Variants in ZNF280D observed in about 807,000 individuals in gnomAD.
ZNF280D encodes suppressor of hairy wing homolog 4.
Under a neutral mutation model 94.7 loss-of-function variants are expected in ZNF280D, and 39 were observed. The observed-to-expected ratio is 0.41, with a 90% CI of 0.32 to 0.54. The LOEUF (loss-of-function observed/expected upper bound fraction) is 0.54, where lower values mean the gene tolerates loss of function less well. Among genes scored for constraint, ZNF280D ranks in the 20% least tolerant of loss-of-function variants. The pLI is 0.22. For missense variants in ZNF280D, 1,090 were observed against 1,149.3 expected (o/e 0.95, Z 0.75); for synonymous variants, 398 against 377.6 (o/e 1.05, Z -0.63).
At chr15:56,682,102 G>C (rs2055657326) in intron 10 of ZNF280D, 152 bp downstream of exon 10, 1 of 542,346 alleles carries the variant, frequency 1.8e-6, no homozygotes, top group African/African-American at 2.0e-5. Flanking sequence ...AGAAAGGACA[G>C]AGCTTTTCAA....
At chr15:56,728,058 G>C (rs1281214223) in intron 1 of ZNF280D, among the ~76,000 whole-genome samples, 1 of 151,394 alleles carries the variant, frequency 6.6e-6, no homozygotes, top group African/African-American at 2.4e-5. Context: ...AAGAGACAGG[G>C]TCTCACTCTG....
At chr15:56,682,559 ACACCTAAGGC>A (rs1417469257) in intron 9 of ZNF280D, 82 bp from the exon 10 acceptor site, 1 of 885,544 alleles carries the variant, frequency 1.1e-6, no homozygotes, top group Admixed American at 3.4e-5. Context: ...TTGTGTGTTT[ACACCTAAGGC>A]CAGACCATTA....
At chr15:56,666,117 C>T (rs970653278) in intron 16 of ZNF280D, among the ~76,000 whole-genome samples, 53 of 152,196 alleles carry the variant, frequency 3.5e-4, no homozygotes, top group African/African-American at 1.2e-3. Flanking sequence ...GGCAACAGAG[C>T]GAGACTCCAT....
At chr15:56,635,902 C>A (rs1185437294) in intron 20 of ZNF280D, 1 of 152,124 alleles carries the variant, frequency 6.6e-6, no homozygotes, top group Non-Finnish European at 1.5e-5. Flanking sequence ...TGCACTATCT[C>A]ATTTAATCTA....
At chr15:56,729,817 C>T (rs1434833590) in intron 1 of ZNF280D, 3 of 152,036 alleles carry the variant, frequency 2.0e-5, no homozygotes, top group African/African-American at 7.2e-5. Flanking sequence ...GTTCTTTGTA[C>T]AGATACAGAA....
At chr15:56,696,498 TCTGA>T (rs1254769076) in intron 6 of ZNF280D, among the ~76,000 whole-genome samples, 2 of 152,136 alleles carry the variant, frequency 1.3e-5, no homozygotes, top group Non-Finnish European at 2.9e-5. Flanking sequence ...AGAATCCAGG[TCTGA>T]CTGATTACAA....
intron 19 of ZNF280D, chr15:56,643,236 C>T: frequency 3.6e-6 from 1 of 276,538 alleles, no homozygotes; most frequent in East Asian, 6.1e-5. Context: ...TCCTTGTTCT[C>T]TAAAAACAAG....
At chr15:56,670,672 A>G (rs1281418216) in intron 13 of ZNF280D, among the ~76,000 whole-genome samples, 1 of 152,066 alleles carries the variant, frequency 6.6e-6, no homozygotes, top group Non-Finnish European at 1.5e-5. Context: ...ATGTCTTAAC[A>G]GAACGATTTA....
chr15:56,677,392 A>G (rs2055303408), intron 12 of ZNF280D, among the ~76,000 whole-genome samples, 182 bp downstream of exon 12: 1 of 152,194 alleles, frequency 6.6e-6, no homozygotes, highest in African/African-American at 2.4e-5. Context: ...TTTGTCCAGT[A>G]CAGAGATAAG....
intron 16 of ZNF280D, among the ~76,000 whole-genome samples, chr15:56,662,160 T>A (rs370878905): frequency 6.6e-6 from 1 of 152,182 alleles, no homozygotes; most frequent in Non-Finnish European, 1.5e-5. Flanking sequence ...TTCTTATACA[T>A]CATTTTGAGG....
intron 9 of ZNF280D, among the ~76,000 whole-genome samples, chr15:56,685,856 A>C (rs1249288838): frequency 6.6e-6 from 1 of 152,206 alleles, no homozygotes. Flanking sequence ...AGACCAAATA[A>C]ATCTATCATA....
chr15:56,632,936 T>C (rs1324018698), intron 21 of ZNF280D, among the ~76,000 whole-genome samples: 8 of 152,106 alleles, frequency 5.3e-5, no homozygotes, highest in African/African-American at 1.7e-4. Context: ...ATATATAACA[T>C]ACATACACAT....
At chr15:56,643,186 T>C (rs1410428162) in intron 19 of ZNF280D, 189 bp from the exon 20 acceptor site, 2 of 366,872 alleles carry the variant, frequency 5.5e-6, no homozygotes, top group Non-Finnish European at 9.9e-6. Context: ...GACTAAATAG[T>C]AGATTCGATA....
intron 13 of ZNF280D, among the ~76,000 whole-genome samples, chr15:56,673,734 C>A (rs1163310876): frequency 2.0e-5 from 3 of 152,022 alleles, no homozygotes; most frequent in African/African-American, 7.2e-5. Flanking sequence ...TTACTCTGCT[C>A]CAGCCACACT....
intron 1 of ZNF280D, among the ~76,000 whole-genome samples, chr15:56,719,357 C>A (rs917392352): frequency 3.7e-4 from 55 of 149,002 alleles, no homozygotes; most frequent in Non-Finnish European, 6.4e-4. Flanking sequence ...AACAAAAAAC[C>A]AAAAAAAAAG....
chr15:56,654,648 A>C lies in ZNF280D; in HGVS notation c.2058-145T>G, dbSNP rs916924807. ...TGTTATATAAATTTGACATAAACTG[A>C]CATTATTCTCTGGTAAATGACATAG... On this transcript the variant is annotated intron_variant, in intron 17 of 21. Transcript: ENST00000267807. 4 of 698,070 alleles carry C rather than the reference A, an allele frequency of 5.7e-6. No homozygotes were observed. The Admixed American group carries it at 7.5e-5, about 13-fold the overall frequency. The allele number at this position is 698,070 out of a possible 1,614,324, so 43.2% of individuals were successfully genotyped here.
intron 16 of ZNF280D, among the ~76,000 whole-genome samples, chr15:56,665,372 T>G (rs1393179000): frequency 6.6e-6 from 1 of 152,210 alleles, no homozygotes; most frequent in Non-Finnish European, 1.5e-5. Context: ...AAACCCATTC[T>G]GAAGGAATAA....
At chr15:56,647,326 C>T (rs994734824) in intron 19 of ZNF280D, among the ~76,000 whole-genome samples, 41 of 152,102 alleles carry the variant, frequency 2.7e-4, no homozygotes, top group African/African-American at 9.7e-4. Flanking sequence ...AAATATGACC[C>T]CCTCAAATGC....
At position 56,666,525 on chromosome 15, in the gene ZNF280D, C is replaced by G; in HGVS notation, c.1864G>C (p.Gly622Arg). 6.3e-7 allele frequency: 1 copy of G among 1,588,050 alleles called. No individual in the cohort carries two copies. Among genetic ancestry groups the G allele is most frequent in the Non-Finnish European group, 8.5e-7 (1 of 1,173,204 alleles). ...TALRNLRYRR[G>R]IHKCIECCSE... ...CAACACTCAATGCATTTGTGAATGCCCCGACGATACCTTAGGGAGACATTA... is the reference window on the plus strand; with the variant it reads ...CAACACTCAATGCATTTGTGAATGCGCCGACGATACCTTAGGGAGACATTA... The change falls in exon 16 of 22, where the codon GGC (glycine) becomes CGC (arginine). Residue 622 changes from glycine (G) to arginine (R), a missense_variant. By Grantham distance (125) the Gly-to-Arg change is moderately radical (BLOSUM62 -2). This residue lies in a region of ZNF280D where 577 missense variants were observed against 568.8 expected (regional missense o/e 1.01). Coordinates refer to ENST00000267807, the MANE Select transcript of ZNF280D (RefSeq NM_017661.4).
Sources: gnomAD v4.1 joint callset for allele counts (sites outside exome capture counted in the v4.1 genomes callset) on GRCh38, gnomAD v4.1.1 for gene constraint, gnomAD v4.1.1 regional missense constraint, MANE v1.5 for transcripts, NCBI Gene and HGNC (gene_info 2026-07-23, HGNC 2026-07-21) for gene names.